KCNQ2: variants seen among roughly 807,000 people sequenced by gnomAD.
The protein encoded by KCNQ2 is potassium voltage-gated channel subfamily KQT member 2.
Under a neutral mutation model 84.8 loss-of-function variants are expected in KCNQ2, and 14 were observed. The ratio of observed to expected loss-of-function variants is 0.17; its 90% confidence interval spans 0.11 to 0.26. The LOEUF (loss-of-function observed/expected upper bound fraction) is 0.26. KCNQ2 is among the 10% of genes least tolerant of loss of function. The probability of loss-of-function intolerance (pLI) is 1.00; values close to 1 mark genes in which losing one functional copy is unlikely to be tolerated. For missense variants in KCNQ2, 788 were observed against 1,254.0 expected (o/e 0.63, Z 5.61); for synonymous variants, 599 against 554.1 (o/e 1.08, Z -1.14).
rs1224019023 is a variant in KCNQ2, at chr20:63,408,556, C to T, written c.1764-20G>A. On this transcript the variant is annotated intron_variant, in intron 15 of 16. Coordinates refer to ENST00000359125, the MANE Select transcript of KCNQ2 (RefSeq NM_172107.4). The surrounding 1 kb of genome is among the most constrained non-coding windows in gnomAD (Gnocchi z 5.0). ...TCCACTCTACCGGGAACAGAGACCC[C>T]AAAGCATGAGTTCGGGTGGGTGCAG... 6.2e-7 allele frequency: 1 copy of T among 1,609,646 alleles called. No homozygotes were observed. Among genetic ancestry groups the T allele is most frequent in the Non-Finnish European group, 8.5e-7 (1 of 1,178,996 alleles).
Position 63,407,598 on chromosome 20 carries a change from AGACCCAGGCTAGTCCCAGGAAATGGGG to A in KCNQ2, c.1888-250_1888-224del, listed in dbSNP as rs1417900649. On this transcript the variant is annotated intron_variant, in intron 16 of 16. Coordinates refer to ENST00000359125, the MANE Select transcript of KCNQ2 (RefSeq NM_172107.4). This position sits in a 1 kb window ranked among gnomAD's most constrained non-coding sequence, Gnocchi z 7.2. The stretch of plus-strand genomic sequence containing the variant: ...CCAGGCTGGTTCCAGGAAACAGGAG[AGACCCAGGCTAGTCCCAGGAAATGGGG>A]GACCCAGGCTAGTCCCAGGAAATGG... Among the ~76,000 whole-genome samples, 5 of 143,104 alleles carry A rather than the reference AGACCCAGGCTAGTCCCAGGAAATGGGG, an allele frequency of 3.5e-5. No homozygotes were observed. The highest frequency in any genetic ancestry group is 2.0e-4 in the East Asian group (1 of 4,926). The allele number at this position is 143,104 out of a possible 152,430, so 93.9% of individuals were successfully genotyped here. A position where few individuals can be genotyped will look rare whatever the true frequency, so the allele number is the denominator to read the frequency against.
rs2145712541 is a variant in KCNQ2, at chr20:63,438,690, C to T, written c.958G>A (p.Val320Ile). 6.2e-7 allele frequency: 1 copy of T among 1,613,752 alleles called. No individual in the cohort carries two copies. The highest frequency in any genetic ancestry group is 8.5e-7 in the Non-Finnish European group (1 of 1,180,004). The change falls in exon 7 of 17, where the codon GTT becomes ATT. Residue 320 changes from valine to isoleucine, a missense_variant. Val to Ile is a conservative substitution (Grantham distance 29, BLOSUM62 3). This residue lies in a region of KCNQ2 where 18 missense variants were observed against 166.0 expected (regional missense o/e 0.11). Coordinates refer to ENST00000359125, the MANE Select transcript of KCNQ2 (RefSeq NM_172107.4). The surrounding 1 kb of genome is among the most constrained non-coding windows in gnomAD (Gnocchi z 5.1). ...GILGSGFALK[V>I]QEQHRQKHFE... ...TGCTTCTGCCTGTGCTGCTCCTGAACCTTCAGGGCAAACCCAGACCCCAAG... is the reference window on the plus strand; with the variant it reads ...TGCTTCTGCCTGTGCTGCTCCTGAATCTTCAGGGCAAACCCAGACCCCAAG...
rs898932984 is a variant in KCNQ2 at position 63,405,433 on chromosome 20, G to A, written c.*1211C>T. The A allele has an allele frequency of 1.3e-5, 2 of 152,426 alleles. No individual in the cohort carries two copies. The highest frequency in any genetic ancestry group is 1.3e-4 in the Admixed American group (2 of 15,292). 9.4% of individuals were successfully genotyped at this position (152,426 alleles called of 1,614,324 possible). ...GTGCACCCGAGGCCCGAGACCCCAA[G>A]AGGCCCCGCTAAGGAATCGGTCAGT... On this transcript the variant is annotated 3_prime_UTR_variant, in exon 17 of 17. Coordinates refer to ENST00000359125, the MANE Select transcript of KCNQ2 (RefSeq NM_172107.4).
intron 9 of KCNQ2, among the ~76,000 whole-genome samples, chr20:63,431,018 G>A (rs2080771773): frequency 6.6e-6 from 1 of 152,204 alleles, no homozygotes; most frequent in Admixed American, 6.5e-5. Flanking sequence ...GCCAGAAGCA[G>A]GACAGAACGA....
At chr20:63,419,773 A>C in intron 11 of KCNQ2, 101 bp from the exon 12 acceptor site, 1 of 1,064,022 alleles carries the variant, frequency 9.4e-7, no homozygotes, top group Admixed American at 2.0e-5. Flanking sequence ...TGTTGTGTGC[A>C]GTCCCCAGCG....
At position 63,414,746 on chromosome 20, in the gene KCNQ2, G is replaced by A. The variant is rs2080230924; in HGVS notation, c.1525+157C>T. On this transcript the variant is annotated intron_variant, in intron 13 of 16. Transcript: ENST00000359125. This position sits in a 1 kb window ranked among gnomAD's most constrained non-coding sequence, Gnocchi z 6.6. ...CTACACTTTTAAATAGTTAATTTTA[G>A]GTTGCACAAGTCTCACCTCAATTTT... Among the ~76,000 whole-genome samples the A allele has an allele frequency of 6.6e-6, 1 of 151,690 alleles. No individual in the cohort carries two copies. The highest frequency in any genetic ancestry group is 1.5e-5 in the Non-Finnish European group (1 of 67,994).
chr20:63,410,764 C>T (rs1442679455), intron 15 of KCNQ2, among the ~76,000 whole-genome samples: 1 of 152,194 alleles, frequency 6.6e-6, no homozygotes, highest in Non-Finnish European at 1.5e-5. Flanking sequence ...CAGACTCACC[C>T]CAGACGCCGT....
chr20:63,412,008 C>T lies in KCNQ2; in HGVS notation c.1763+1442G>A, dbSNP rs370852606. On this transcript the variant is annotated intron_variant, in intron 15 of 16. Transcript: ENST00000359125. Reference sequence around the variant, plus strand: ...AGGCTCCGTCGAAACAGGTGCTCTCCCACAGAGGGTGTGGACGCCGCCTCG... The same window carrying T: ...AGGCTCCGTCGAAACAGGTGCTCTCTCACAGAGGGTGTGGACGCCGCCTCG... 1.8e-5 allele frequency: 11 copies of T among 621,572 alleles called. No individual in the cohort carries two copies. The African/African-American group carries it at 1.9e-4, about 11-fold the overall frequency. 38.5% of individuals were successfully genotyped at this position (621,572 alleles called of 1,614,324 possible). A position where few individuals can be genotyped will look rare whatever the true frequency, so the allele number is the denominator to read the frequency against.
rs964258448 is a variant in KCNQ2 at position 63,401,117 on chromosome 20, G to A, written c.*5527C>T. On this transcript the variant is annotated 3_prime_UTR_variant, in exon 17 of 17. Transcript: ENST00000359125. The stretch of plus-strand genomic sequence containing the variant: ...GCCCCTGGCCAGAGCCAGTCTCCTC[G>A]GCCAGCCAGGGGCACCACGGCAAGT... 11 of 371,064 alleles carry A rather than the reference G, an allele frequency of 3.0e-5. No individual in the cohort carries two copies. Among genetic ancestry groups the A allele is most frequent in the Admixed American group, 2.8e-4 (6 of 21,708 alleles). The allele number at this position is 371,064 out of a possible 1,614,324, so 23.0% of individuals were successfully genotyped here. A position where few individuals can be genotyped will look rare whatever the true frequency, so the allele number is the denominator to read the frequency against.
At chr20:63,467,102 A>G (rs1025673398) in intron 1 of KCNQ2, among the ~76,000 whole-genome samples, 4 of 152,030 alleles carry the variant, frequency 2.6e-5, no homozygotes, top group African/African-American at 9.7e-5. Flanking sequence ...AGCCTTTAAC[A>G]GGACACGGCC....
At chr20:63,432,287 C>A in intron 8 of KCNQ2, among the ~76,000 whole-genome samples, 1 of 149,632 alleles carries the variant, frequency 6.7e-6, no homozygotes, top group South Asian at 2.1e-4. Flanking sequence ...TCCCCACCCT[C>A]AGGGAAGGCT....
rs145415996 is a variant in KCNQ2, at chr20:63,446,831, G to C, written c.303C>G (p.Leu101=). ...ACAGCACGAGGCAGGAGAAAACCAGGAGGAACCTGGGGGCAGGGAACGCGC... is the reference window on the plus strand; with the variant it reads ...ACAGCACGAGGCAGGAGAAAACCAGCAGGAACCTGGGGGCAGGGAACGCGC... The part of the protein sequence containing the change: ...WAFIYHAYVF[L]LVFSCLVLSV... Residue 101 remains leucine (L), a synonymous_variant, in exon 2 of 17, where the codon CTC becomes CTG. Transcript: ENST00000359125. The surrounding 1 kb of genome is among the most constrained non-coding windows in gnomAD (Gnocchi z 5.5). 3.3e-4 allele frequency: 535 copies of C among 1,613,498 alleles called. 3 individuals are homozygous for C. The African/African-American group carries it at 6.2e-3, about 19-fold the overall frequency.
intron 1 of KCNQ2, among the ~76,000 whole-genome samples, chr20:63,455,736 C>A (rs2081764078): frequency 6.6e-6 from 1 of 151,980 alleles, no homozygotes; most frequent in East Asian, 1.9e-4. Flanking sequence ...ACCCTCAGGC[C>A]TTGAGATGCA....
intron 2 of KCNQ2, among the ~76,000 whole-genome samples, chr20:63,445,727 C>T (rs2081396439): frequency 1.1e-5 from 1 of 89,786 alleles, no homozygotes; most frequent in South Asian, 3.8e-4. Flanking sequence ...AGCTGGGAGG[C>T]CCTGTCTGAG....
At chr20:63,461,408 G>A (rs557951458) in intron 1 of KCNQ2, among the ~76,000 whole-genome samples, 1 of 152,256 alleles carries the variant, frequency 6.6e-6, no homozygotes, top group Admixed American at 6.5e-5. Flanking sequence ...ATCATTCCTC[G>A]GGCACCTCCC....
At chr20:63,447,841 C>T (rs1444959663) in intron 1 of KCNQ2, among the ~76,000 whole-genome samples, 1 of 152,194 alleles carries the variant, frequency 6.6e-6, no homozygotes, top group Non-Finnish European at 1.5e-5. Flanking sequence ...AAGTGATGCT[C>T]CCGCCTCGGC....
At chr20:63,451,370 G>A (rs1242829753) in intron 1 of KCNQ2, among the ~76,000 whole-genome samples, 1 of 152,014 alleles carries the variant, frequency 6.6e-6, no homozygotes. Flanking sequence ...GTGGAAAGTG[G>A]AATTTGACCA....
At chr20:63,464,678 C>A (rs1022526167) in intron 1 of KCNQ2, among the ~76,000 whole-genome samples, 3 of 152,220 alleles carry the variant, frequency 2.0e-5, no homozygotes, top group African/African-American at 7.2e-5. Context: ...GCCCCACACT[C>A]CAGCTCCACT....
chr20:63,419,266 C>G (rs909134072), intron 12 of KCNQ2, among the ~76,000 whole-genome samples: 4 of 152,170 alleles, frequency 2.6e-5, no homozygotes, highest in African/African-American at 7.2e-5. Flanking sequence ...TCCTCAGGTA[C>G]GCAGCAGAGG....
Sources: allele counts gnomAD v4.1 joint callset (sites outside exome capture counted in the v4.1 genomes callset), GRCh38; gene constraint gnomAD v4.1.1; regional missense constraint gnomAD v4.1.1; non-coding constraint Gnocchi (gnomAD v3.1); transcripts MANE v1.5; gene names NCBI Gene and HGNC (gene_info 2026-07-23, HGNC 2026-07-21).